ADAMTS17: variants seen among roughly 807,000 people sequenced by gnomAD.
ADAMTS17 encodes the protein ADAM metallopeptidase with thrombospondin type 1 motif 17, also known as A disintegrin and metalloproteinase with thrombospondin motifs 17.
ADAMTS17 carries 113 observed loss-of-function variants against 141.5 expected under a neutral mutation model. That is an observed-to-expected ratio of 0.80 (90% CI 0.69 to 0.93). The LOEUF (loss-of-function observed/expected upper bound fraction) is 0.93, where lower values mean the gene tolerates loss of function less well. Ranked by LOEUF, ADAMTS17 falls within the 40% of genes least tolerant of loss-of-function variation. The pLI is 0.00. For synonymous variants in ADAMTS17, 768 were observed against 630.6 expected (o/e 1.22, Z -3.27); for missense variants, 1,659 against 1,517.9 (o/e 1.09, Z -1.54).
At chr15:99,977,354 AT>A (rs1158060580) in intron 20 of ADAMTS17, among the ~76,000 whole-genome samples, 5 of 1,008 alleles carry the variant, frequency 5.0e-3, no homozygotes, top group African/African-American at 0.016. Flanking sequence ...CTCTTCATAT[AT>A]ATATATATAT....
intron 7 of ADAMTS17, among the ~76,000 whole-genome samples, chr15:100,219,325 C>T (rs1412141601): frequency 6.6e-6 from 1 of 152,166 alleles, no homozygotes; most frequent in Non-Finnish European, 1.5e-5. Context: ...TAGTACATAG[C>T]TTAGGTAAAC....
chr15:99,979,509 A>C (rs992098020), intron 20 of ADAMTS17: 1 of 152,280 alleles, frequency 6.6e-6, no homozygotes, highest in African/African-American at 2.4e-5. Context: ...GAACAAAGCC[A>C]CGGAGCCGAA....
intron 3 of ADAMTS17, among the ~76,000 whole-genome samples, chr15:100,318,204 C>G (rs938362916): frequency 6.6e-6 from 1 of 152,072 alleles, no homozygotes; most frequent in South Asian, 2.1e-4. Flanking sequence ...GTAAATCATT[C>G]ATGAATAATT....
chr15:100,280,133 G>A (rs1444854502), intron 4 of ADAMTS17, among the ~76,000 whole-genome samples: 1 of 152,120 alleles, frequency 6.6e-6, no homozygotes, highest in South Asian at 2.1e-4. Flanking sequence ...TTCCCACCAA[G>A]ACATCTGTCC....
intron 18 of ADAMTS17, among the ~76,000 whole-genome samples, chr15:100,012,942 G>A (rs1001574787): frequency 2.0e-5 from 3 of 152,206 alleles, no homozygotes; most frequent in African/African-American, 7.2e-5. Context: ...GTATTTTGAT[G>A]GGAATTGCAT....
intron 18 of ADAMTS17, among the ~76,000 whole-genome samples, chr15:100,006,774 G>A (rs1422497377): frequency 6.6e-6 from 1 of 152,176 alleles, no homozygotes; most frequent in African/African-American, 2.4e-5. Context: ...GTTAATCAAA[G>A]TAAGGAAACA....
chr15:100,212,799 T>C (rs1007137270), intron 7 of ADAMTS17, among the ~76,000 whole-genome samples: 2 of 141,980 alleles, frequency 1.4e-5, no homozygotes, highest in Non-Finnish European at 3.0e-5. Flanking sequence ...TCACCAACAA[T>C]GTCACTTGTA....
intron 7 of ADAMTS17, among the ~76,000 whole-genome samples, chr15:100,211,420 G>A (rs914281861): frequency 6.6e-6 from 1 of 152,102 alleles, no homozygotes; most frequent in African/African-American, 2.4e-5. Context: ...GGGACCACAG[G>A]TGTCCACAGG....
intron 15 of ADAMTS17, among the ~76,000 whole-genome samples, chr15:100,083,800 T>C (rs1305355948): frequency 6.6e-6 from 1 of 151,104 alleles, no homozygotes; most frequent in African/African-American, 2.4e-5. Context: ...GATGCTGGCA[T>C]GCCAGAGCAG....
intron 8 of ADAMTS17, among the ~76,000 whole-genome samples, chr15:100,197,927 GA>G (rs1273139313): frequency 9.9e-5 from 15 of 152,198 alleles, no homozygotes; most frequent in Admixed American, 6.5e-5. Context: ...CCCAGGAACA[GA>G]AAACCAAACA....
intron 7 of ADAMTS17, among the ~76,000 whole-genome samples, chr15:100,205,547 T>C (rs778806953): frequency 6.6e-6 from 1 of 152,132 alleles, no homozygotes; most frequent in Non-Finnish European, 1.5e-5. Flanking sequence ...GTAACGTTTG[T>C]CAAATCACAG....
chr15:100,317,130 C>CA (rs938838318), intron 3 of ADAMTS17, among the ~76,000 whole-genome samples: 17 of 150,986 alleles, frequency 1.1e-4, no homozygotes, highest in Non-Finnish European at 1.5e-4. Flanking sequence ...CCCGACACCT[C>CA]AAAAAAAAAT....
At chr15:100,340,223 G>A (rs904823097) in intron 2 of ADAMTS17, among the ~76,000 whole-genome samples, 1 of 152,204 alleles carries the variant, frequency 6.6e-6, no homozygotes, top group African/African-American at 2.4e-5. Context: ...GTAGCCACAT[G>A]ATCAAGTGTG....
At chr15:100,141,482 G>A (rs1349231208) in intron 10 of ADAMTS17, among the ~76,000 whole-genome samples, 1 of 152,198 alleles carries the variant, frequency 6.6e-6, no homozygotes, top group Non-Finnish European at 1.5e-5. Flanking sequence ...AAAAGAGAGA[G>A]AAAATCAACG....
At position 100,007,779 on chromosome 15, in the gene ADAMTS17, G is replaced by A. The variant is rs1289439296; in HGVS notation, c.2592-10190C>T. On this transcript the variant is annotated intron_variant, in intron 18 of 21. Transcript: ENST00000268070. ...AGTGTCAGGCAGGTCGGCAGGTGCA[G>A]TCTGCAGCTTGGGGTGCGGTCAGGT... 1.3e-5 allele frequency among the ~76,000 whole-genome samples: 2 copies of A among 152,132 alleles called. 1 individual carries two copies. The highest frequency in any genetic ancestry group is 4.1e-4 in the South Asian group (2 of 4,832).
chr15:100,333,483 A>G (rs1038815407), intron 2 of ADAMTS17, among the ~76,000 whole-genome samples: 1 of 152,178 alleles, frequency 6.6e-6, no homozygotes, highest in African/African-American at 2.4e-5. Context: ...TATTTTTTCA[A>G]AGGTGACCAG....
intron 12 of ADAMTS17, among the ~76,000 whole-genome samples, chr15:100,121,162 C>G (rs2141174819): frequency 6.6e-6 from 1 of 152,110 alleles, no homozygotes; most frequent in Admixed American, 6.5e-5. Flanking sequence ...ATTGCTGAGT[C>G]TGAGAAGTAA....
Position 100,022,730 on chromosome 15 carries a change from G to A in ADAMTS17, c.2592-25141C>T, listed in dbSNP as rs112265949. 1.4e-3 allele frequency among the ~76,000 whole-genome samples: 216 copies of A among 152,280 alleles called. 1 individual carries two copies. Among genetic ancestry groups the A allele is most frequent in the African/African-American group, 5.0e-3 (209 of 41,564 alleles). ...TAATTCATGTTCTGAGTAAATTACA[G>A]AGAGTCTTGGCATGGGAGGAATAAT... On this transcript the variant is annotated intron_variant, in intron 18 of 21. Transcript: ENST00000268070.
chr15:100,044,561 T>C (rs2031527856), intron 18 of ADAMTS17, among the ~76,000 whole-genome samples: 2 of 152,262 alleles, frequency 1.3e-5, no homozygotes, highest in Non-Finnish European at 2.9e-5. Context: ...TCCATGACCA[T>C]GAGCATAGCT....
Sources: gnomAD v4.1 joint callset for allele counts (sites outside exome capture counted in the v4.1 genomes callset) on GRCh38, gnomAD v4.1.1 for gene constraint, MANE v1.5 for transcripts, NCBI Gene and HGNC (gene_info 2026-07-23, HGNC 2026-07-21) for gene names.